Variants in CRB1 observed in about 807,000 individuals in gnomAD.
CRB1 encodes protein crumbs homolog 1.
Under a neutral mutation model 120.0 loss-of-function variants are expected in CRB1, and 83 were observed. The observed-to-expected ratio is 0.69, with a 90% CI of 0.58 to 0.83. The LOEUF (loss-of-function observed/expected upper bound fraction) is 0.83. CRB1 is among the 40% of genes least tolerant of loss of function. CRB1 has a pLI of 0.00. For synonymous variants in CRB1, 625 were observed against 612.5 expected, an observed-to-expected ratio of 1.02 and a Z score of -0.30; for missense variants, 1,699 against 1,687.6, an observed-to-expected ratio of 1.01 and a Z score of -0.12.
the CRB1 span, among the ~76,000 whole-genome samples, chr1:197,208,951 G>A: frequency 1.3e-5 from 2 of 152,210 alleles, no homozygotes; most frequent in Admixed American, 6.5e-5. Flanking sequence ...ATGGAGTTAC[G>A]TTCCCAGGGG....
At chr1:197,366,362 T>G (rs1173409884) in intron 5 of CRB1, among the ~76,000 whole-genome samples, 1 of 152,136 alleles carries the variant, frequency 6.6e-6, no homozygotes, top group Non-Finnish European at 1.5e-5. Flanking sequence ...TGTTGAAAAA[T>G]GTATTTGTGC....
At chr1:197,412,062 A>G (rs1663739515) in intron 5 of CRB1, among the ~76,000 whole-genome samples, 1 of 152,228 alleles carries the variant, frequency 6.6e-6, no homozygotes, top group African/African-American at 2.4e-5. Context: ...AGTGTGTGAA[A>G]GAATATATTT....
chr1:197,314,189 T>C (rs1426749615), intron 1 of CRB1, among the ~76,000 whole-genome samples: 2 of 152,216 alleles, frequency 1.3e-5, no homozygotes, highest in African/African-American at 4.8e-5. Context: ...CACAGATCAC[T>C]GCAGCTCTCT....
chr1:197,347,081 T>C (rs1388045366), intron 3 of CRB1, among the ~76,000 whole-genome samples: 2 of 152,240 alleles, frequency 1.3e-5, no homozygotes, highest in African/African-American at 2.4e-5. Context: ...ATAGGTACTA[T>C]ATTCAATTTA....
At chr1:197,329,174 C>A (rs1658709631) in intron 2 of CRB1, among the ~76,000 whole-genome samples, 171 bp downstream of exon 2, 1 of 152,188 alleles carries the variant, frequency 6.6e-6, no homozygotes, top group Non-Finnish European at 1.5e-5. Flanking sequence ...CCACTGAATG[C>A]ACTGAATTCT....
chr1:197,413,212 T>A (rs10801605), intron 5 of CRB1, among the ~76,000 whole-genome samples: 39,813 of 152,134 alleles, frequency 0.26, 5,551 homozygotes, highest in Middle Eastern at 0.39. Flanking sequence ...TCACTTTTTT[T>A]GTTTGTACTC....
At chr1:197,313,629 C>T (rs1467102751) in intron 1 of CRB1, among the ~76,000 whole-genome samples, 1 of 152,164 alleles carries the variant, frequency 6.6e-6, no homozygotes, top group African/African-American at 2.4e-5. Flanking sequence ...TTTCCAGCAT[C>T]TGGTAACCAT....
intron 11 of CRB1, among the ~76,000 whole-genome samples, chr1:197,476,122 C>A (rs547280342): frequency 2.0e-5 from 3 of 152,170 alleles, no homozygotes; most frequent in Non-Finnish European, 4.4e-5. Context: ...GTTGGCCAGG[C>A]TGGTCTCGAA....
intron 11 of CRB1, among the ~76,000 whole-genome samples, chr1:197,464,543 C>G (rs189380166): frequency 2.6e-5 from 4 of 151,942 alleles, no homozygotes; most frequent in Non-Finnish European, 4.4e-5. Flanking sequence ...AGTTGCGCTG[C>G]ACTGCAAAAT....
chr1:197,252,582 A>ATATATATATATGTGTGTGTGTGTGTGTG, the CRB1 span, among the ~76,000 whole-genome samples: 3 of 15,512 alleles, frequency 1.9e-4, no homozygotes, highest in African/African-American at 3.3e-4. Flanking sequence ...ATATATATAT[A>ATATATATATATGTGTGTGTGTGTGTGTG]TGTGTGTGTG....
At chr1:197,453,828 A>T (rs1350056285) in intron 11 of CRB1, among the ~76,000 whole-genome samples, 2 of 142,946 alleles carry the variant, frequency 1.4e-5, no homozygotes, top group East Asian at 2.0e-4. Context: ...ATTATTAATT[A>T]TTAATATATT....
chr1:197,432,131 TA>T (rs1664897383), intron 8 of CRB1, among the ~76,000 whole-genome samples: 1 of 152,118 alleles, frequency 6.6e-6, no homozygotes, highest in African/African-American at 2.4e-5. Flanking sequence ...AAAGGTGAAG[TA>T]CAAAAGTGAT....
chr1:197,406,910 C>T (rs181939427), intron 5 of CRB1, among the ~76,000 whole-genome samples: 1 of 152,270 alleles, frequency 6.6e-6, no homozygotes, highest in East Asian at 1.9e-4. Flanking sequence ...GGTGCTTACT[C>T]CCATTTCACC....
chr1:197,440,373 A>G (rs1213894449), intron 10 of CRB1: 4 of 152,226 alleles, frequency 2.6e-5, no homozygotes, highest in Non-Finnish European at 5.9e-5. Flanking sequence ...TAGAAAGAAA[A>G]GAAAGCTTAG....
intron 11 of CRB1, among the ~76,000 whole-genome samples, chr1:197,463,018 G>T (rs1179578611): frequency 6.6e-6 from 1 of 151,996 alleles, no homozygotes; most frequent in Non-Finnish European, 1.5e-5. Context: ...CACTGAAACA[G>T]CTACCTTCTT....
intron 11 of CRB1, among the ~76,000 whole-genome samples, chr1:197,463,972 G>A (rs964699372): frequency 3.3e-5 from 5 of 152,072 alleles, no homozygotes; most frequent in African/African-American, 9.7e-5. Context: ...AGCAGCAAAC[G>A]AATTTTAGTG....
At chr1:197,437,681 C>A (rs376063816) in intron 9 of CRB1, among the ~76,000 whole-genome samples, 6 of 151,988 alleles carry the variant, frequency 3.9e-5, no homozygotes, top group Admixed American at 1.3e-4. Flanking sequence ...TTAGCTCTTG[C>A]GGGAAGAGAC....
In CRB1 at chr1:197,415,554, C is replaced by T. The variant is rs189253591; in HGVS notation, c.1172-5446C>T. 1.8e-3 allele frequency among the ~76,000 whole-genome samples: 271 copies of T among 151,944 alleles called. 4 individuals carry two copies. The highest frequency in any genetic ancestry group is 0.014 in the Admixed American group (215 of 15,260). On this transcript the variant is annotated intron_variant, in intron 5 of 11. Transcript: ENST00000367400. ...ACCTCTAAATGTTAAGCTTTCCCATCGATGAGTGTTTTGTTTATTCACTTA... is the reference window on the plus strand; with the variant it reads ...ACCTCTAAATGTTAAGCTTTCCCATTGATGAGTGTTTTGTTTATTCACTTA...
At chr1:197,452,521 GA>G (rs1475656928) in intron 11 of CRB1, among the ~76,000 whole-genome samples, 1 of 151,880 alleles carries the variant, frequency 6.6e-6, no homozygotes, top group Non-Finnish European at 1.5e-5. Context: ...GAGATGAAGG[GA>G]CCTTACATAT....
Sources: allele counts gnomAD v4.1 joint callset (sites outside exome capture counted in the v4.1 genomes callset), GRCh38; gene constraint gnomAD v4.1.1; transcripts MANE v1.5; gene names NCBI Gene and HGNC (gene_info 2026-07-23, HGNC 2026-07-21).